Variants in LARS2 observed in about 807,000 individuals in gnomAD.
LARS2 encodes leucine--tRNA ligase, mitochondrial.
Under a neutral mutation model 116.6 loss-of-function variants are expected in LARS2, and 81 were observed. That is an observed-to-expected ratio of 0.69 (90% CI 0.58 to 0.84). LARS2 has a LOEUF of 0.84. Among genes scored for constraint, LARS2 ranks in the 40% least tolerant of loss-of-function variants. The pLI, the probability that LARS2 is intolerant of heterozygous loss-of-function variation, is 0.00. For synonymous variants in LARS2, 396 were observed against 407.2 expected (o/e 0.97, Z 0.33); for missense variants, 968 against 1,114.5 (o/e 0.87, Z 1.87).
intron 15 of LARS2, among the ~76,000 whole-genome samples, chr3:45,502,320 G>GT (rs1380844620): frequency 6.6e-6 from 1 of 151,922 alleles, no homozygotes; most frequent in Non-Finnish European, 1.5e-5. Flanking sequence ...ATTGCAAGTA[G>GT]TTTTTTCTAG....
rs1408814555 is a variant in LARS2 at position 45,424,536 on chromosome 3, T to A, written c.516+4807T>A. Among the ~76,000 whole-genome samples the A allele has an allele frequency of 2.6e-5, 4 of 152,222 alleles. 1 individual carries two copies. The highest frequency in any genetic ancestry group is 5.9e-5 in the Non-Finnish European group (4 of 68,030). ...AGCAGCATCAGTAGTAGTAGTTCTA[T>A]ATGATTTAATTACATGTGTAGATTT... On this transcript the variant is annotated intron_variant, in intron 6 of 21. Transcript: ENST00000645846.
At chr3:45,446,403 C>T (rs1479277235) in intron 6 of LARS2, among the ~76,000 whole-genome samples, 1 of 152,062 alleles carries the variant, frequency 6.6e-6, no homozygotes, top group Admixed American at 6.6e-5. Context: ...ATGGAATATA[C>T]GAGTCTAAAG....
At chr3:45,390,591 C>T (rs928806754) in intron 1 of LARS2, among the ~76,000 whole-genome samples, 1 of 151,676 alleles carries the variant, frequency 6.6e-6, no homozygotes, top group African/African-American at 2.4e-5. Flanking sequence ...GGATTACAGG[C>T]GTGAGCCACC....
rs1217011224 is a variant in LARS2, at chr3:45,388,648, G to C, written c.-120G>C. 2 of 152,308 alleles carry C rather than the reference G, an allele frequency of 1.3e-5. No homozygotes were observed. The highest frequency in any genetic ancestry group is 2.9e-5 in the Non-Finnish European group (2 of 68,096). The allele number at this position is 152,308 out of a possible 1,614,324, so 9.4% of individuals were successfully genotyped here. ...CTCGCCTAAAGGTGGAGAACGAGGA[G>C]TAGAGGAGCCGCAGGCCAGAGCCTG... On this transcript the variant is annotated 5_prime_UTR_variant, in exon 1 of 22. Coordinates refer to ENST00000645846, the MANE Select transcript of LARS2 (RefSeq NM_015340.4).
chr3:45,513,499 A>T (rs979567451), intron 16 of LARS2, among the ~76,000 whole-genome samples: 5 of 152,196 alleles, frequency 3.3e-5, no homozygotes, highest in Admixed American at 2.6e-4. Context: ...ATTTGTATGT[A>T]ACAGAGTCAA....
intron 7 of LARS2, among the ~76,000 whole-genome samples, chr3:45,450,033 GA>G (rs1187292266): frequency 1.3e-5 from 2 of 152,086 alleles, no homozygotes; most frequent in African/African-American, 4.8e-5. Flanking sequence ...TTCACCTTTT[GA>G]AAAACATTTT....
At chr3:45,493,331 C>A (rs764689607) in intron 13 of LARS2, among the ~76,000 whole-genome samples, 2 of 152,198 alleles carry the variant, frequency 1.3e-5, no homozygotes, top group Non-Finnish European at 2.9e-5. Context: ...CATCTCCTGA[C>A]CTCGTGTTCT....
intron 4 of LARS2, among the ~76,000 whole-genome samples, chr3:45,409,632 T>C (rs1290308937): frequency 6.6e-6 from 1 of 152,192 alleles, no homozygotes; most frequent in African/African-American, 2.4e-5. Context: ...AATCATCTTA[T>C]AGAACAAAAG....
chr3:45,432,829 A>G (rs1259410075), intron 6 of LARS2, among the ~76,000 whole-genome samples: 1 of 152,082 alleles, frequency 6.6e-6, no homozygotes, highest in Non-Finnish European at 1.5e-5. Context: ...AATGAAACTG[A>G]AAGTTGATTC....
Position 45,547,463 on chromosome 3 carries a change from G to A in LARS2, c.2645G>A (p.Gly882Glu). The change falls in exon 22 of 22, where the codon GGA becomes GAA. Residue 882 changes from glycine to glutamate, a missense_variant. Physicochemically the swap from Gly to Glu is moderately conservative, Grantham distance 98 (BLOSUM62 -2). Coordinates refer to ENST00000645846, the MANE Select transcript of LARS2 (RefSeq NM_015340.4). The stretch of plus-strand genomic sequence containing the variant: ...GAGCTGGGTGTCAGGCTTTTGCAAG[G>A]ACGAAGCATCAAGAAGTCCTTCCTT... ...QSELGVRLLQ[G>E]RSIKKSFLSP... The A allele has an allele frequency of 1.2e-6, 2 of 1,613,824 alleles. No individual in the cohort carries two copies. The highest frequency in any genetic ancestry group is 1.1e-5 in the South Asian group (1 of 91,008).
intron 20 of LARS2, among the ~76,000 whole-genome samples, chr3:45,534,333 T>C (rs1700667719): frequency 2.0e-5 from 3 of 152,132 alleles, no homozygotes; most frequent in Non-Finnish European, 2.9e-5. Context: ...TCCCAGCATC[T>C]GAGGAGGGTT....
Position 45,516,236 on chromosome 3 carries a change from T to C in LARS2, c.2004T>C (p.Phe668=), listed in dbSNP as rs1700368183. ...GIDTIRLYIL[F]AAPPEKDILW... is the part of the protein sequence containing the mutation. ...ACACGATTCGGCTCTACATCCTTTT[T>C]GCTGCCCCTCCTGAGAAGGATATCT... Residue 668 remains phenylalanine, a synonymous_variant, in exon 17 of 22, where the codon TTT becomes TTC. Transcript: ENST00000645846. 2 of 1,614,156 alleles carry C rather than the reference T, an allele frequency of 1.2e-6. No homozygotes were observed. The highest frequency in any genetic ancestry group is 1.7e-6 in the Non-Finnish European group (2 of 1,180,004).
At chr3:45,489,919 T>C (rs527674814) in intron 12 of LARS2, among the ~76,000 whole-genome samples, 1 of 152,300 alleles carries the variant, frequency 6.6e-6, no homozygotes, top group South Asian at 2.1e-4. Flanking sequence ...TGGCCATGGC[T>C]CTGAATCACC....
intron 3 of LARS2, among the ~76,000 whole-genome samples, chr3:45,398,278 C>T (rs151042848): frequency 2.1e-4 from 32 of 152,276 alleles, no homozygotes; most frequent in African/African-American, 7.2e-4. Flanking sequence ...AAGAAGTTTA[C>T]GAACTCCTTG....
At chr3:45,460,799 A>T (rs979370886) in intron 8 of LARS2, among the ~76,000 whole-genome samples, 1 of 152,182 alleles carries the variant, frequency 6.6e-6, no homozygotes, top group Non-Finnish European at 1.5e-5. Context: ...TGAGACCCCC[A>T]AAAAGGCCAT....
chr3:45,545,581 G>C (rs572793457), intron 21 of LARS2, among the ~76,000 whole-genome samples: 1 of 152,306 alleles, frequency 6.6e-6, no homozygotes, highest in African/African-American at 2.4e-5. Flanking sequence ...AGGCAACTCA[G>C]GGGAGGCCTG....
chr3:45,446,700 G>A (rs75507282), intron 6 of LARS2, among the ~76,000 whole-genome samples, 191 bp from the exon 7 acceptor site: 12 of 152,280 alleles, frequency 7.9e-5, no homozygotes, highest in African/African-American at 2.6e-4. Context: ...AGGTGTAGGT[G>A]GCATTTCAAT....
At position 45,513,148 on chromosome 3, in the gene LARS2, A is replaced by T; in HGVS notation, c.1774A>T (p.Lys592Ter). ...ATCTTTCCTCAGGGAGCCTTTTCAT[A>T]AGCTGCTGGCCCAAGGCCTTATCAA... ...KMVKHREPFH[K>*]LLAQGLIKGQ... Residue 592 changes from lysine (K) to a stop codon, truncating the protein, a stop_gained, in exon 16 of 22, where the codon AAG becomes TAG. Transcript: ENST00000645846. LOFTEE classifies it high-confidence loss of function. The T allele has an allele frequency of 6.2e-7, 1 of 1,612,244 alleles. No individual in the cohort carries two copies. Among genetic ancestry groups the T allele is most frequent in the East Asian group, 2.2e-5 (1 of 44,882 alleles).
chr3:45,523,488 T>C (rs1700484674), intron 19 of LARS2, among the ~76,000 whole-genome samples: 1 of 151,924 alleles, frequency 6.6e-6, no homozygotes, highest in African/African-American at 2.4e-5. Flanking sequence ...TGGTGAGGAC[T>C]AAATAAGTTA....
Sources: allele counts gnomAD v4.1 joint callset (sites outside exome capture counted in the v4.1 genomes callset), GRCh38; gene constraint gnomAD v4.1.1; transcripts MANE v1.5; gene names NCBI Gene and HGNC (gene_info 2026-07-23, HGNC 2026-07-21).